Variants in ROBO1 observed in about 807,000 individuals in gnomAD.
The protein encoded by ROBO1 is roundabout homolog 1.
A neutral mutation model predicts 195.9 loss-of-function variants in ROBO1; 149 were observed. The observed-to-expected ratio is 0.76, with a 90% CI of 0.67 to 0.87. The LOEUF is 0.87. Ranked by LOEUF, ROBO1 falls within the 40% of genes least tolerant of loss-of-function variation. The pLI, the probability that ROBO1 is intolerant of heterozygous loss-of-function variation, is 0.00. For synonymous variants in ROBO1, 816 were observed against 733.2 expected, an observed-to-expected ratio of 1.11 and a Z score of -1.82; for missense variants, 1,933 against 2,068.3, an observed-to-expected ratio of 0.93 and a Z score of 1.27.
At chr3:79,676,854 C>T (rs1946798966) in intron 1 of ROBO1, among the ~76,000 whole-genome samples, 1 of 152,040 alleles carries the variant, frequency 6.6e-6, no homozygotes, top group Admixed American at 6.6e-5. Flanking sequence ...TAGCTTCTGT[C>T]TGCTGCAAAA....
At chr3:78,599,213 T>C (rs1183018167) in intron 30 of ROBO1, among the ~76,000 whole-genome samples, 4 of 151,982 alleles carry the variant, frequency 2.6e-5, no homozygotes, top group African/African-American at 9.7e-5. Flanking sequence ...TCTAATCCCC[T>C]CAGCCCCAAG....
At chr3:79,607,957 AAC>A (rs745699405) in intron 1 of ROBO1, among the ~76,000 whole-genome samples, 70 of 152,050 alleles carry the variant, frequency 4.6e-4, no homozygotes, top group Non-Finnish European at 7.5e-4. Flanking sequence ...TTCAAAACTA[AAC>A]AGAATATTGA....
At chr3:79,658,482 T>C (rs779422582) in intron 1 of ROBO1, among the ~76,000 whole-genome samples, 21 of 152,112 alleles carry the variant, frequency 1.4e-4, no homozygotes, top group Non-Finnish European at 2.8e-4. Context: ...CAACAAACCA[T>C]ACTATGATGT....
intron 1 of ROBO1, among the ~76,000 whole-genome samples, chr3:79,666,531 G>A (rs560885538): frequency 7.2e-5 from 11 of 151,778 alleles, no homozygotes; most frequent in African/African-American, 2.4e-4. Flanking sequence ...TGATTGAATC[G>A]TGGGGGCAGT....
chr3:79,399,323 C>T (rs2037272953), intron 2 of ROBO1, among the ~76,000 whole-genome samples: 2 of 152,246 alleles, frequency 1.3e-5, no homozygotes, highest in South Asian at 4.1e-4. Context: ...TTATATTGGT[C>T]TATAAGGCCC....
chr3:79,216,239 T>G (rs2108814356), intron 2 of ROBO1, among the ~76,000 whole-genome samples: 1 of 152,210 alleles, frequency 6.6e-6, no homozygotes, highest in Admixed American at 6.6e-5. Flanking sequence ...GAAAGCTAAT[T>G]ATCAGAATGG....
intron 4 of ROBO1, among the ~76,000 whole-genome samples, chr3:78,863,643 T>A (rs1056470241): frequency 6.6e-6 from 1 of 152,208 alleles, no homozygotes; most frequent in African/African-American, 2.4e-5. Context: ...ATTCTTTGAA[T>A]CTGAAATTTC....
At chr3:79,430,029 G>GT (rs1176347887) in intron 2 of ROBO1, among the ~76,000 whole-genome samples, 1 of 150,378 alleles carries the variant, frequency 6.6e-6, no homozygotes, top group African/African-American at 2.4e-5. Flanking sequence ...ATTGTATTTG[G>GT]TTTTCAAATT....
intron 3 of ROBO1, among the ~76,000 whole-genome samples, chr3:79,071,611 T>C (rs967667989): frequency 4.6e-5 from 7 of 151,758 alleles, no homozygotes; most frequent in Non-Finnish European, 5.9e-5. Context: ...TTCTCTATTG[T>C]GGTTATTTTT....
intron 1 of ROBO1, among the ~76,000 whole-genome samples, chr3:79,699,654 T>TG (rs753778309): frequency 4.9e-4 from 73 of 149,976 alleles, no homozygotes; most frequent in African/African-American, 1.8e-3. Context: ...CGTATGTTGT[T>TG]GTTTTTTTTT....
intron 5 of ROBO1, among the ~76,000 whole-genome samples, chr3:78,721,935 G>A (rs2082054361): frequency 6.6e-6 from 1 of 152,126 alleles, no homozygotes; most frequent in South Asian, 2.1e-4. Context: ...GTTAACAAGA[G>A]TAATGAGGGC....
intron 4 of ROBO1, among the ~76,000 whole-genome samples, chr3:78,795,507 C>T (rs1253350178): frequency 1.3e-5 from 2 of 152,212 alleles, no homozygotes; most frequent in African/African-American, 4.8e-5. Flanking sequence ...TCTCAAAGAA[C>T]AGCATCCTAT....
At chr3:79,315,405 A>G (rs2033688058) in intron 2 of ROBO1, among the ~76,000 whole-genome samples, 1 of 152,254 alleles carries the variant, frequency 6.6e-6, no homozygotes, top group African/African-American at 2.4e-5. Context: ...TAAATCAGGC[A>G]AGAGATTATA....
intron 2 of ROBO1, among the ~76,000 whole-genome samples, chr3:79,440,765 T>G (rs1245686337): frequency 6.6e-6 from 1 of 152,068 alleles, no homozygotes; most frequent in Non-Finnish European, 1.5e-5. Context: ...CAAGGCAAGA[T>G]GGAAGAATAT....
At chr3:79,504,493 A>C (rs1464597563) in intron 2 of ROBO1, among the ~76,000 whole-genome samples, 1 of 152,144 alleles carries the variant, frequency 6.6e-6, no homozygotes, top group Non-Finnish European at 1.5e-5. Flanking sequence ...AATAAATTGA[A>C]AGATATATTT....
At chr3:79,139,632 G>C (rs961987105) in intron 2 of ROBO1, among the ~76,000 whole-genome samples, 1 of 152,130 alleles carries the variant, frequency 6.6e-6, no homozygotes, top group Admixed American at 6.6e-5. Flanking sequence ...AATAATATCT[G>C]ATGTGACAGA....
At chr3:78,644,122 T>C (rs910189173) in intron 21 of ROBO1, among the ~76,000 whole-genome samples, 7 of 151,994 alleles carry the variant, frequency 4.6e-5, no homozygotes, top group Admixed American at 1.3e-4. Context: ...TCACGAAACA[T>C]AGACACAGAC....
chr3:78,889,150 A>T (rs2036737769), intron 4 of ROBO1, among the ~76,000 whole-genome samples: 1 of 152,222 alleles, frequency 6.6e-6, no homozygotes, highest in African/African-American at 2.4e-5. Flanking sequence ...TGAATTCAAT[A>T]TGAAAATAAA....
chr3:78,873,688 G>C (rs941645345), intron 4 of ROBO1, among the ~76,000 whole-genome samples: 2 of 152,040 alleles, frequency 1.3e-5, no homozygotes, highest in Admixed American at 1.3e-4. Context: ...GTATATTCCT[G>C]AGCGAGGTTA....
Sources: allele counts gnomAD v4.1 joint callset (sites outside exome capture counted in the v4.1 genomes callset), GRCh38; gene constraint gnomAD v4.1.1; transcripts MANE v1.5; gene names NCBI Gene and HGNC (gene_info 2026-07-23, HGNC 2026-07-21).